The following SKAP1 variants were observed in gnomAD, a reference collection of about 807,000 sequenced individuals.
SKAP1 encodes the protein src kinase associated phosphoprotein 1, also known as src kinase-associated phosphoprotein 1.
Under a neutral mutation model 58.5 loss-of-function variants are expected in SKAP1, and 44 were observed. The ratio of observed to expected loss-of-function variants is 0.75; its 90% confidence interval spans 0.59 to 0.97. The LOEUF (loss-of-function observed/expected upper bound fraction) is 0.97. Ranked by LOEUF, SKAP1 falls within the 50% of genes least tolerant of loss-of-function variation. The pLI is 0.00. For synonymous variants in SKAP1, 127 were observed against 149.7 expected (o/e 0.85, Z 1.11); for missense variants, 390 against 435.2 (o/e 0.90, Z 0.92).
intron 4 of SKAP1, among the ~76,000 whole-genome samples, chr17:48,278,348 T>C (rs1386683845): frequency 1.3e-5 from 2 of 152,202 alleles, no homozygotes; most frequent in Non-Finnish European, 2.9e-5. Context: ...AGATGTCCGG[T>C]GTGTGTTAGT....
At chr17:48,429,342 G>A (rs2067887681) in intron 1 of SKAP1, among the ~76,000 whole-genome samples, 1 of 152,190 alleles carries the variant, frequency 6.6e-6, no homozygotes, top group Admixed American at 6.5e-5. Flanking sequence ...TTGGAGTGTT[G>A]GCAGTGTGTG....
intron 4 of SKAP1, among the ~76,000 whole-genome samples, chr17:48,230,019 G>A (rs1020320124): frequency 8.5e-5 from 13 of 152,166 alleles, no homozygotes; most frequent in Admixed American, 7.9e-4. Flanking sequence ...TCTGTTAGAA[G>A]GGCAGAGCAT....
chr17:48,249,658 C>G (rs1483507927), intron 4 of SKAP1, among the ~76,000 whole-genome samples: 1 of 151,642 alleles, frequency 6.6e-6, no homozygotes, highest in Non-Finnish European at 1.5e-5. Flanking sequence ...AGAGCAAGAC[C>G]TTGTCTTAAA....
At chr17:48,134,144 T>G (rs2063671202) in intron 12 of SKAP1, among the ~76,000 whole-genome samples, 1 of 152,224 alleles carries the variant, frequency 6.6e-6, no homozygotes, top group Non-Finnish European at 1.5e-5. Flanking sequence ...TAATATTCAC[T>G]TCTATGAATG....
At chr17:48,264,775 CA>C (rs2065524163) in intron 4 of SKAP1, among the ~76,000 whole-genome samples, 1 of 151,740 alleles carries the variant, frequency 6.6e-6, no homozygotes, top group Non-Finnish European at 1.5e-5. Context: ...CACACACACA[CA>C]CACACACCCT....
chr17:48,407,278 G>C (rs2067598385), intron 1 of SKAP1, among the ~76,000 whole-genome samples: 1 of 152,122 alleles, frequency 6.6e-6, no homozygotes, highest in East Asian at 1.9e-4. Context: ...CCAAACTCAA[G>C]AAGTCAGAAC....
At chr17:48,418,954 A>G (rs2067763478) in intron 1 of SKAP1, among the ~76,000 whole-genome samples, 1 of 152,158 alleles carries the variant, frequency 6.6e-6, no homozygotes, top group Non-Finnish European at 1.5e-5. Flanking sequence ...GTATATTGAT[A>G]AGGTATCTTG....
At chr17:48,251,111 G>A (rs1011914006) in intron 4 of SKAP1, among the ~76,000 whole-genome samples, 5 of 152,176 alleles carry the variant, frequency 3.3e-5, no homozygotes, top group African/African-American at 9.7e-5. Context: ...ATATGTGTGC[G>A]TTAACTGCAC....
intron 4 of SKAP1, among the ~76,000 whole-genome samples, chr17:48,323,208 A>T (rs147640939): frequency 0.019 from 1,207 of 65,204 alleles, 19 homozygotes; most frequent in Non-Finnish European, 0.026. Context: ...AGACAACAGT[A>T]AAAAAAAAAA....
At chr17:48,434,611 G>C (rs1056799533), upstream of SKAP1, among the ~76,000 whole-genome samples, 4 of 152,082 alleles carry the variant, frequency 2.6e-5, no homozygotes, top group African/African-American at 9.7e-5. Context: ...TCTCAGTGAG[G>C]TACAGGCTTG....
chr17:48,368,253 G>C (rs1193500305), intron 2 of SKAP1, among the ~76,000 whole-genome samples: 1 of 152,048 alleles, frequency 6.6e-6, no homozygotes, highest in Non-Finnish European at 1.5e-5. Context: ...ATATTCCCTG[G>C]GTGGCCTTCA....
chr17:48,338,408 T>C (rs2066604686), intron 4 of SKAP1, among the ~76,000 whole-genome samples: 2 of 152,136 alleles, frequency 1.3e-5, no homozygotes, highest in African/African-American at 2.4e-5. Context: ...CACCTTGGCC[T>C]CTCAAAGTTC....
intron 4 of SKAP1, among the ~76,000 whole-genome samples, chr17:48,328,523 C>T (rs558624683): frequency 6.6e-6 from 1 of 152,122 alleles, no homozygotes; most frequent in South Asian, 2.1e-4. Context: ...CCTACACAAA[C>T]ATCTCAGTAC....
At chr17:48,334,588 TA>T (rs890036179) in intron 4 of SKAP1, among the ~76,000 whole-genome samples, 1 of 150,764 alleles carries the variant, frequency 6.6e-6, no homozygotes. Context: ...GCCTTTACAT[TA>T]AAAAAAAATC....
chr17:48,402,478 T>G (rs964449845), intron 1 of SKAP1, among the ~76,000 whole-genome samples: 1 of 152,064 alleles, frequency 6.6e-6, no homozygotes, highest in African/African-American at 2.4e-5. Context: ...TACAGGTGCA[T>G]GCCACCATGC....
At chr17:48,354,754 A>C (rs1850684267) in intron 3 of SKAP1, among the ~76,000 whole-genome samples, 1 of 152,256 alleles carries the variant, frequency 6.6e-6, no homozygotes, top group Admixed American at 6.5e-5. Context: ...AATGCTTTCT[A>C]ATAGAATTGG....
chr17:48,406,294 A>C (rs2067583267), intron 1 of SKAP1, among the ~76,000 whole-genome samples: 1 of 149,244 alleles, frequency 6.7e-6, no homozygotes, highest in African/African-American at 2.5e-5. Context: ...AAACAACAAC[A>C]AAAGCAGCAT....
chr17:48,198,371 C>T (rs2064672230), intron 4 of SKAP1, among the ~76,000 whole-genome samples: 1 of 139,512 alleles, frequency 7.2e-6, no homozygotes, highest in South Asian at 2.3e-4. Flanking sequence ...AGGAGAATGG[C>T]ATGAACCCGG....
chr17:48,224,077 G>GAGGAGA (rs1567827480), intron 4 of SKAP1, among the ~76,000 whole-genome samples: 24 of 60,904 alleles, frequency 3.9e-4, no homozygotes, highest in African/African-American at 1.5e-3. Flanking sequence ...GAAGGAGGAG[G>GAGGAGA]AGGAGGAGGA....
Sources: allele counts gnomAD v4.1 joint callset (sites outside exome capture counted in the v4.1 genomes callset), GRCh38; gene constraint gnomAD v4.1.1; transcripts MANE v1.5; gene names NCBI Gene and HGNC (gene_info 2026-07-23, HGNC 2026-07-21).